Variants in BAZ1A observed in about 807,000 individuals in gnomAD.
The protein encoded by BAZ1A is bromodomain adjacent to zinc finger domain 1A, also known as bromodomain adjacent to zinc finger domain protein 1A.
BAZ1A carries 50 observed loss-of-function variants against 185.2 expected under a neutral mutation model. That is an observed-to-expected ratio of 0.27 (90% CI 0.22 to 0.34). The LOEUF is 0.34. Among genes scored for constraint, BAZ1A ranks in the 10% least tolerant of loss-of-function variants. The probability of loss-of-function intolerance (pLI) is 1.00; values close to 1 mark genes in which losing one functional copy is unlikely to be tolerated. For missense variants in BAZ1A, 1,356 were observed against 1,839.9 expected (o/e 0.74, Z 4.81); for synonymous variants, 571 against 615.6 (o/e 0.93, Z 1.07).
In BAZ1A at chr14:34,785,739, G is replaced by C. The variant is rs551776089; in HGVS notation, c.1831+38C>G. The C allele has an allele frequency of 7.6e-5, 120 of 1,572,370 alleles. 2 individuals carry two copies. In the South Asian group the frequency reaches 1.3e-3, roughly 17 times the overall value. ...GTTTTCTGGGCATAAGAGGGAGGAA[G>C]TGGGCAGGTTATGCAAATTCCAACT... On this transcript the variant is annotated intron_variant, in intron 14 of 26. Transcript: ENST00000360310.
intron 3 of BAZ1A, among the ~76,000 whole-genome samples, chr14:34,843,902 A>G (rs1285846158): frequency 1.3e-5 from 2 of 152,084 alleles, no homozygotes; most frequent in Non-Finnish European, 2.9e-5. Context: ...TCACCTTTGC[A>G]AGCTAAGAAT....
intron 16 of BAZ1A, among the ~76,000 whole-genome samples, chr14:34,781,180 G>A (rs575591238): frequency 6.6e-6 from 1 of 152,330 alleles, no homozygotes; most frequent in African/African-American, 2.4e-5. Context: ...CAAGGAAAAT[G>A]TAAATGAGTG....
Position 34,763,987 on chromosome 14 carries a change from C to T in BAZ1A, c.3776+720G>A, listed in dbSNP as rs111547522. ...ATATCCCTTTATTTCGGCCCTCAAC[C>T]GGAGGTTCAAGTAAGGGGAGATTGC... On this transcript the variant is annotated intron_variant, in intron 23 of 26. Transcript: ENST00000360310. Among the ~76,000 whole-genome samples, 564 of 152,132 alleles carry T rather than the reference C, an allele frequency of 3.7e-3. 3 individuals are homozygous for T. The highest frequency in any genetic ancestry group is 0.011 in the African/African-American group (468 of 41,482).
intron 9 of BAZ1A, 27 bp downstream of exon 9, chr14:34,800,197 G>T: frequency 7.4e-7 from 1 of 1,353,974 alleles, no homozygotes; most frequent in Non-Finnish European, 1.0e-6. Context: ...TATGTAGAGA[G>T]TATAGCTAAT....
chr14:34,857,446 T>C (rs987787368), intron 3 of BAZ1A, among the ~76,000 whole-genome samples: 11 of 152,238 alleles, frequency 7.2e-5, no homozygotes, highest in South Asian at 4.1e-4. Flanking sequence ...TAAGGGACAA[T>C]AGACATGAGC....
intron 3 of BAZ1A, among the ~76,000 whole-genome samples, chr14:34,836,834 T>C (rs1304354397): frequency 1.3e-5 from 2 of 152,046 alleles, no homozygotes; most frequent in African/African-American, 4.8e-5. Flanking sequence ...GTGTGAATTA[T>C]GTCAATTACT....
Position 34,781,865 on chromosome 14 carries a change from C to T in BAZ1A, c.2111+1254G>A, listed in dbSNP as rs997337879. 2.6e-5 allele frequency among the ~76,000 whole-genome samples: 4 copies of T among 152,208 alleles called. No homozygotes were observed. The East Asian group carries it at 7.7e-4, about 29-fold the overall frequency. On this transcript the variant is annotated intron_variant, in intron 16 of 26. Coordinates refer to ENST00000360310, the MANE Select transcript of BAZ1A (RefSeq NM_013448.3). ...GATAGCCTGTATTAGAACTCCATTCCTTTTTATTGTTGAACAATATTCTCC... is the reference window on the plus strand; with the variant it reads ...GATAGCCTGTATTAGAACTCCATTCTTTTTTATTGTTGAACAATATTCTCC...
At chr14:34,840,055 C>T (rs1431178453) in intron 3 of BAZ1A, among the ~76,000 whole-genome samples, 2 of 151,944 alleles carry the variant, frequency 1.3e-5, no homozygotes, top group Non-Finnish European at 2.9e-5. Context: ...AGAATAAAAG[C>T]TTATCTGAAT....
At chr14:34,838,035 C>T (rs982649446) in intron 3 of BAZ1A, among the ~76,000 whole-genome samples, 1 of 150,828 alleles carries the variant, frequency 6.6e-6, no homozygotes, top group African/African-American at 2.4e-5. Context: ...ACAATGAAAA[C>T]GATTGTTACA....
rs1224199261 is a variant in BAZ1A at position 34,832,101 on chromosome 14, G to A, written c.393-5945C>T. On this transcript the variant is annotated intron_variant, in intron 3 of 26. Transcript: ENST00000360310. ...CCCAGCTACTCAGGAGGCTAAGGTTGGAGGATCATTGAGTCCAGGAGGCAG... is the reference window on the plus strand; with the variant it reads ...CCCAGCTACTCAGGAGGCTAAGGTTAGAGGATCATTGAGTCCAGGAGGCAG... 2.0e-5 allele frequency among the ~76,000 whole-genome samples: 3 copies of A among 151,142 alleles called. No individual in the cohort carries two copies. The East Asian group carries it at 5.8e-4, about 29-fold the overall frequency.
Position 34,761,867 on chromosome 14 carries a change from C to G in BAZ1A, c.4133G>C (p.Arg1378Thr), listed in dbSNP as rs201921001. Residue 1378 changes from arginine (R) to threonine (T), a missense_variant, in exon 24 of 27, where the codon AGA (arginine) becomes ACA (threonine). Transcript: ENST00000360310. ...TTCACTTGACTTTGTGGCAATGACT[C>G]TGAAGTTAGGGAAGTTGGGACTATT... The part of the protein sequence containing the change: ...PENSPNFPNF[R>T]VIATKSSEQS... 1.9e-6 allele frequency: 3 copies of G among 1,614,174 alleles called. No individual in the cohort carries two copies. The highest frequency in any genetic ancestry group is 3.3e-5 in the Admixed American group (2 of 60,012).
In BAZ1A at chr14:34,874,481, C is replaced by A. The variant is rs747886936; in HGVS notation, c.113+11G>T. Reference sequence around the variant, plus strand: ...CACCCCCCGCGGCCCCGCACACGGCCCGGCTCTTACTCGTAGTGGCGGAAG... The same window carrying A: ...CACCCCCCGCGGCCCCGCACACGGCACGGCTCTTACTCGTAGTGGCGGAAG... On this transcript the variant is annotated intron_variant, in intron 2 of 26. Coordinates refer to ENST00000360310, the MANE Select transcript of BAZ1A (RefSeq NM_013448.3). The surrounding 1 kb of genome is among the most constrained non-coding windows in gnomAD (Gnocchi z 4.7). 6.2e-7 allele frequency: 1 copy of A among 1,610,932 alleles called. No homozygotes were observed.
At position 34,761,854 on chromosome 14, in the gene BAZ1A, T is replaced by A; in HGVS notation, c.4146A>T (p.Thr1382=). ...PNFPNFRVIA[T]KSSEQSRSVN... ...CAGATCTTGACTGTTCACTTGACTT[T>A]GTGGCAATGACTCTGAAGTTAGGGA... The change falls in exon 24 of 27, where the codon ACA becomes ACT. Residue 1382 remains threonine, a synonymous_variant. Coordinates refer to ENST00000360310, the MANE Select transcript of BAZ1A (RefSeq NM_013448.3). 6.2e-7 allele frequency: 1 copy of A among 1,614,256 alleles called. No homozygotes were observed. Among genetic ancestry groups the A allele is most frequent in the Non-Finnish European group, 8.5e-7 (1 of 1,180,046 alleles).
chr14:34,788,150 T>TCCC (rs1880607671), intron 12 of BAZ1A, among the ~76,000 whole-genome samples: 2 of 151,966 alleles, frequency 1.3e-5, no homozygotes, highest in Admixed American at 6.6e-5. Context: ...CCCAGGTAGC[T>TCCC]GGGATTACAG....
chr14:34,776,039 T>A lies in BAZ1A; in HGVS notation c.2713A>T (p.Ile905Phe), dbSNP rs1171695123. Residue 905 changes from isoleucine to phenylalanine, a missense_variant, in exon 18 of 27, where the codon ATT becomes TTT. Physicochemically the swap from Ile to Phe is conservative, Grantham distance 21 (BLOSUM62 0). Coordinates refer to ENST00000360310, the MANE Select transcript of BAZ1A (RefSeq NM_013448.3). ...TGTCCTCTAGAATTAAGAGCTTCAA[T>A]AAGCTGGTCTAGCTGTTCACAAGAA... ...YSSCEQLDQLIEALNSRGHRE... is the reference protein window; with the variant it reads ...YSSCEQLDQLFEALNSRGHRE... 1 of 1,614,208 alleles carries A rather than the reference T, an allele frequency of 6.2e-7. No homozygotes were observed. The highest frequency in any genetic ancestry group is 1.7e-5 in the Admixed American group (1 of 60,028).
At chr14:34,823,958 T>C (rs1312076223) in intron 4 of BAZ1A, among the ~76,000 whole-genome samples, 1 of 152,150 alleles carries the variant, frequency 6.6e-6, no homozygotes, top group South Asian at 2.1e-4. Flanking sequence ...TATGAACTAC[T>C]GTCAGACATG....
Position 34,754,841 on chromosome 14 carries a change from T to G in BAZ1A, c.4460A>C (p.Glu1487Ala), listed in dbSNP as rs1366742395. The G allele has an allele frequency of 1.3e-6, 2 of 1,593,992 alleles. No individual in the cohort carries two copies. Among genetic ancestry groups the G allele is most frequent in the South Asian group, 1.1e-5 (1 of 88,498 alleles). ...NIIREKVNKC[E>A]YKLASEFIDD... ...AAATTACTTACATGCTAATTTATAT[T>G]CACACTTATTCACTTTTTCACGAAT... The change falls in exon 26 of 27, where the codon GAA becomes GCA. Residue 1487 changes from glutamate to alanine, a missense_variant. Coordinates refer to ENST00000360310, the MANE Select transcript of BAZ1A (RefSeq NM_013448.3).
intron 25 of BAZ1A, among the ~76,000 whole-genome samples, chr14:34,757,365 CAAAA>C (rs760606242): frequency 7.4e-5 from 8 of 108,812 alleles, no homozygotes; most frequent in Non-Finnish European, 5.5e-5. Flanking sequence ...GACTCCATCT[CAAAA>C]AAAAAAAAAA....
chr14:34,843,245 T>C (rs760435072), intron 3 of BAZ1A, among the ~76,000 whole-genome samples: 24 of 152,200 alleles, frequency 1.6e-4, no homozygotes, highest in Non-Finnish European at 2.8e-4. Context: ...CTGCAGTTAC[T>C]GAACTGAATC....
Sources: allele counts gnomAD v4.1 joint callset (sites outside exome capture counted in the v4.1 genomes callset), GRCh38; gene constraint gnomAD v4.1.1; non-coding constraint Gnocchi (gnomAD v3.1); transcripts MANE v1.5; gene names NCBI Gene and HGNC (gene_info 2026-07-23, HGNC 2026-07-21).